GPHN: variants seen among roughly 807,000 people sequenced by gnomAD.
The protein encoded by GPHN is gephyrin.
In GPHN, 17 loss-of-function variants were observed where a neutral mutation model predicts 95.5. The ratio of observed to expected loss-of-function variants is 0.18; its 90% CI spans 0.12 to 0.27. The LOEUF is 0.27. Ranked by LOEUF, GPHN falls within the 10% of genes least tolerant of loss-of-function variation. The pLI, the probability that GPHN is intolerant of heterozygous loss-of-function variation, is 1.00. For missense variants in GPHN, 660 were observed against 978.1 expected (o/e 0.67, Z 4.34); for synonymous variants, 320 against 322.5 (o/e 0.99, Z 0.08).
intron 4 of GPHN, among the ~76,000 whole-genome samples, chr14:66,860,445 C>T (rs773665060): frequency 7.2e-5 from 11 of 151,852 alleles, no homozygotes; most frequent in Middle Eastern, 3.2e-3. Context: ...TCATCAACAC[C>T]AAGATTTCAT....
chr14:67,273,776 C>T, the GPHN span, among the ~76,000 whole-genome samples: 6 of 152,180 alleles, frequency 3.9e-5, no homozygotes, highest in Admixed American at 6.5e-5. Flanking sequence ...ACATCCTCTC[C>T]GGCACCTGTT....
At chr14:67,102,472 C>A (rs993460608) in intron 13 of GPHN, among the ~76,000 whole-genome samples, 1 of 151,710 alleles carries the variant, frequency 6.6e-6, no homozygotes, top group Admixed American at 6.6e-5. Context: ...ACCAGTGTAA[C>A]CAACATGGAG....
At chr14:67,079,500 A>G (rs150872911) in intron 11 of GPHN, among the ~76,000 whole-genome samples, 21 of 152,222 alleles carry the variant, frequency 1.4e-4, no homozygotes, top group Non-Finnish European at 2.5e-4. Context: ...GACATTTCAT[A>G]TAAGTAGGAT....
At chr14:67,488,243 G>A in the GPHN span, among the ~76,000 whole-genome samples, 7 of 152,228 alleles carry the variant, frequency 4.6e-5, no homozygotes, top group African/African-American at 1.7e-4. Context: ...CTGACCACCA[G>A]GGTCTCTGAG....
chr14:66,939,891 T>C (rs889901120), intron 8 of GPHN, among the ~76,000 whole-genome samples: 4 of 151,912 alleles, frequency 2.6e-5, no homozygotes, highest in African/African-American at 4.8e-5. Flanking sequence ...CGTTTGGAGG[T>C]TGATGGCCTG....
At chr14:67,395,972 A>AC in the GPHN span, among the ~76,000 whole-genome samples, 1 of 151,890 alleles carries the variant, frequency 6.6e-6, no homozygotes, top group Non-Finnish European at 1.5e-5. Context: ...TTGGCTGTGG[A>AC]CTCCCGGGCA....
chr14:67,137,217 C>T (rs1312334383), intron 17 of GPHN, among the ~76,000 whole-genome samples: 1 of 151,220 alleles, frequency 6.6e-6, no homozygotes, highest in Non-Finnish European at 1.5e-5. Context: ...ACGATCTCTG[C>T]TCACTGCAGG....
chr14:66,711,771 T>TG (rs2069663086), intron 2 of GPHN, among the ~76,000 whole-genome samples: 1 of 148,464 alleles, frequency 6.7e-6, no homozygotes, highest in Admixed American at 6.7e-5. Context: ...CCCCAGTGTG[T>TG]GATGTTCCCC....
chr14:67,250,567 GT>G, the GPHN span, among the ~76,000 whole-genome samples: 1 of 152,254 alleles, frequency 6.6e-6, no homozygotes, highest in Non-Finnish European at 1.5e-5. Context: ...GATTCTGATA[GT>G]CATCTGGGCC....
chr14:67,360,311 A>C, the GPHN span: 4 of 398,298 alleles, frequency 1.0e-5, no homozygotes, highest in African/African-American at 6.2e-5. Flanking sequence ...GCGCTTGCGC[A>C]TGCGAGGAGG....
intron 1 of GPHN, among the ~76,000 whole-genome samples, chr14:66,545,612 AC>A (rs1327525542): frequency 1.7e-4 from 14 of 83,176 alleles, no homozygotes; most frequent in Admixed American, 5.1e-4. Context: ...CGGGGGGCTG[AC>A]CCCCCCACCT....
At chr14:67,616,486 A>AC in the GPHN span, 4 of 160,792 alleles carry the variant, frequency 2.5e-5, no homozygotes, top group African/African-American at 4.8e-5. Flanking sequence ...ATTGCAAAAA[A>AC]AAAAAAAGTT....
Position 67,134,953 on chromosome 14 carries a change from C to CTTCTTTTT in GPHN, c.1749-8407_1749-8406insCTTTTTTT, listed in dbSNP as rs573340363. On this transcript the variant is annotated intron_variant, in intron 17 of 22. Coordinates refer to ENST00000478722, the MANE Select transcript of GPHN (RefSeq NM_020806.5). ...CTTTTTTTCTCTTTCTTTCTTTCTT[C>CTTCTTTTT]TTTTTTTTTTTTTTTTTTTTTTTTT... is the stretch of plus-strand genomic sequence containing the variant. Among the ~76,000 whole-genome samples the CTTCTTTTT allele has an allele frequency of 1.3e-3, 61 of 45,246 alleles. 1 individual carries two copies. Among genetic ancestry groups the CTTCTTTTT allele is most frequent in the Non-Finnish European group, 2.0e-3 (48 of 23,710 alleles). The allele number at this position is 45,246 out of a possible 152,430, so 29.7% of individuals were successfully genotyped here. A position where few individuals can be genotyped will look rare whatever the true frequency, so the allele number is the denominator to read the frequency against.
chr14:67,072,491 C>G (rs1448008689), intron 11 of GPHN, among the ~76,000 whole-genome samples: 1 of 151,928 alleles, frequency 6.6e-6, no homozygotes, highest in Non-Finnish European at 1.5e-5. Flanking sequence ...TTTGCAACTC[C>G]TAGGAGACCA....
intron 17 of GPHN, among the ~76,000 whole-genome samples, chr14:67,123,332 A>G (rs1246146586): frequency 6.6e-6 from 1 of 152,222 alleles, no homozygotes; most frequent in Non-Finnish European, 1.5e-5. Context: ...GGATCTGACA[A>G]GGCATGCTGT....
At chr14:67,088,248 A>G (rs2076988714) in intron 11 of GPHN, among the ~76,000 whole-genome samples, 1 of 152,182 alleles carries the variant, frequency 6.6e-6, no homozygotes, top group African/African-American at 2.4e-5. Context: ...ATTTTGGGAA[A>G]AGTAGAGCAA....
the GPHN span, among the ~76,000 whole-genome samples, chr14:67,538,712 G>A: frequency 6.6e-6 from 1 of 152,146 alleles, no homozygotes; most frequent in Non-Finnish European, 1.5e-5. Flanking sequence ...GGCAAGCCAA[G>A]CACGAGTCCC....
At chr14:67,597,403 A>G in the GPHN span, among the ~76,000 whole-genome samples, 3 of 152,108 alleles carry the variant, frequency 2.0e-5, no homozygotes, top group African/African-American at 7.2e-5. Flanking sequence ...GCTTGAGTCC[A>G]GGAGACTGAG....
chr14:66,894,144 G>T (rs894463621), intron 5 of GPHN, among the ~76,000 whole-genome samples: 1 of 152,030 alleles, frequency 6.6e-6, no homozygotes, highest in South Asian at 2.1e-4. Context: ...AAACAGCATG[G>T]TACTGGTACC....
Sources: gnomAD v4.1 joint callset for allele counts (sites outside exome capture counted in the v4.1 genomes callset) on GRCh38, gnomAD v4.1.1 for gene constraint, MANE v1.5 for transcripts, NCBI Gene and HGNC (gene_info 2026-07-23, HGNC 2026-07-21) for gene names.